The following OSBPL11 variants were observed in gnomAD, a reference collection of about 807,000 sequenced individuals.
OSBPL11 encodes oxysterol-binding protein-related protein 11.
OSBPL11 carries 33 observed loss-of-function variants against 84.4 expected under a neutral mutation model. That is an observed-to-expected ratio of 0.39 (90% CI 0.30 to 0.52). OSBPL11 has a LOEUF of 0.52. Among genes scored for constraint, OSBPL11 ranks in the 20% least tolerant of loss-of-function variants. The pLI, the probability that OSBPL11 is intolerant of heterozygous loss-of-function variation, is 0.72. For missense variants in OSBPL11, 736 were observed against 901.1 expected, an observed-to-expected ratio of 0.82 and a Z score of 2.35; for synonymous variants, 276 against 310.2, an observed-to-expected ratio of 0.89 and a Z score of 1.16.
In OSBPL11 at chr3:125,576,274, G is replaced by T. The variant is rs778417225; in HGVS notation, c.581C>A (p.Ser194Tyr). The T allele has an allele frequency of 1.3e-5, 21 of 1,610,554 alleles. No homozygotes were observed. The East Asian group carries it at 4.7e-4, about 36-fold the overall frequency. Residue 194 changes from serine to tyrosine, a missense_variant, in exon 5 of 13, where the codon TCT (serine) becomes TAT (tyrosine). By Grantham distance (144) the Ser-to-Tyr change is moderately radical. Around this residue, in one of 3 missense-constraint regions of OSBPL11, gnomAD observed 579 missense variants for 717.6 expected, o/e 0.81. Coordinates refer to ENST00000296220, the MANE Select transcript of OSBPL11 (RefSeq NM_022776.5). ...TTTGGAATGTCCAACATTAAAAAAA[G>T]AAATGGCATTTTGACTTGGTCTCCT... ...SQRRPSQNAISFFNVGHSKLQ... is the reference protein window; with the variant it reads ...SQRRPSQNAIYFFNVGHSKLQ...
At chr3:125,553,912 AG>A (rs1277815830) in intron 8 of OSBPL11, among the ~76,000 whole-genome samples, 1 of 152,238 alleles carries the variant, frequency 6.6e-6, no homozygotes, top group African/African-American at 2.4e-5. Context: ...CAGAGATACC[AG>A]GAAAGTAGAC....
At chr3:125,571,493 A>G (rs375809684) in intron 5 of OSBPL11, among the ~76,000 whole-genome samples, 115 of 152,212 alleles carry the variant, frequency 7.6e-4, no homozygotes, top group African/African-American at 2.7e-3. Context: ...TTCATGGCAG[A>G]CCCTCTCATC....
intron 6 of OSBPL11, 45 bp downstream of exon 6, chr3:125,567,349 G>C: frequency 6.9e-7 from 1 of 1,459,588 alleles, no homozygotes. Context: ...TCCTTTCCAT[G>C]TGTTGGCCTT....
At chr3:125,594,545 CTT>C (rs1936649557) in intron 1 of OSBPL11, 90 bp downstream of exon 1, 4 of 1,470,060 alleles carry the variant, frequency 2.7e-6, no homozygotes, top group African/African-American at 1.4e-5. Context: ...AGTGAAAAAA[CTT>C]TTATCTTTCA....
intron 5 of OSBPL11, among the ~76,000 whole-genome samples, chr3:125,571,533 G>A (rs902969562): frequency 2.0e-5 from 3 of 152,146 alleles, no homozygotes; most frequent in African/African-American, 7.2e-5. Context: ...AGAAAAAAGT[G>A]GTTTCATGGG....
intron 6 of OSBPL11, 55 bp from the exon 7 acceptor site, chr3:125,563,898 G>T: frequency 6.3e-7 from 1 of 1,592,530 alleles, no homozygotes. Flanking sequence ...TAGAAAGTTC[G>T]GCAGATGTGG....
At chr3:125,547,187 T>C (rs966460246) in intron 10 of OSBPL11, among the ~76,000 whole-genome samples, 33 of 152,200 alleles carry the variant, frequency 2.2e-4, no homozygotes, top group African/African-American at 8.0e-4. Context: ...CACTAGTTAC[T>C]TCATCAGGAA....
chr3:125,592,998 T>A (rs1035640134), intron 1 of OSBPL11, among the ~76,000 whole-genome samples: 5 of 152,148 alleles, frequency 3.3e-5, no homozygotes, highest in African/African-American at 1.2e-4. Context: ...AAGAAAAAAC[T>A]CATTAGACTT....
chr3:125,563,909 A>C, intron 6 of OSBPL11, 66 bp from the exon 7 acceptor site: 1 of 1,574,500 alleles, frequency 6.4e-7, no homozygotes, highest in Non-Finnish European at 8.6e-7. Context: ...GCAGATGTGG[A>C]TTTTAACAAT....
chr3:125,552,872 CTTTGGGAGGCCAA>C (rs1284925329), intron 8 of OSBPL11, among the ~76,000 whole-genome samples, 193 bp from the exon 9 acceptor site: 1 of 152,220 alleles, frequency 6.6e-6, no homozygotes, highest in Non-Finnish European at 1.5e-5. Context: ...AATCACAGCA[CTTTGGGAGGCCAA>C]GTTGGGAGGA....
At chr3:125,546,298 T>C (rs1263047518) in intron 10 of OSBPL11, among the ~76,000 whole-genome samples, 4 of 151,102 alleles carry the variant, frequency 2.6e-5, no homozygotes, top group Non-Finnish European at 5.9e-5. Flanking sequence ...CTCAGCCTCC[T>C]GTGGCATTAC....
intron 9 of OSBPL11, 123 bp from the exon 10 acceptor site, chr3:125,547,715 C>T: frequency 1.4e-6 from 1 of 716,024 alleles, no homozygotes; most frequent in Non-Finnish European, 2.2e-6. Context: ...CTTCATTTAA[C>T]TTTCAATGAA....
intron 9 of OSBPL11, among the ~76,000 whole-genome samples, chr3:125,550,906 C>A (rs995441261): frequency 6.6e-6 from 1 of 152,122 alleles, no homozygotes; most frequent in Admixed American, 6.5e-5. Flanking sequence ...GCTGAGATTA[C>A]AGGCTAATGC....
chr3:125,570,547 C>T (rs1936228910), intron 5 of OSBPL11, among the ~76,000 whole-genome samples: 2 of 152,028 alleles, frequency 1.3e-5, no homozygotes, highest in African/African-American at 4.8e-5. Context: ...GTGTCCCCAC[C>T]CAAATCTCAT....
intron 10 of OSBPL11, among the ~76,000 whole-genome samples, chr3:125,543,124 ATTTTTTTTTTT>A (rs60571172): frequency 2.0e-5 from 2 of 99,288 alleles, no homozygotes; most frequent in Non-Finnish European, 3.8e-5. Flanking sequence ...GGCTAGTAAG[ATTTTTTTTTTT>A]TTTTTTTTTT....
rs1035127675 is a variant in OSBPL11 at position 125,529,865 on chromosome 3, T to A, written c.*650A>T. ...AAGAAAAAATTCTCCATGGTTATAA[T>A]TCTGATCAATCTATAAATGTACTTT... is the stretch of plus-strand genomic sequence containing the variant. On this transcript the variant is annotated 3_prime_UTR_variant, in exon 13 of 13. Transcript: ENST00000296220. 3.3e-5 allele frequency: 5 copies of A among 152,668 alleles called. No individual in the cohort carries two copies. The East Asian group carries it at 9.6e-4, about 29-fold the overall frequency. 9.5% of individuals were successfully genotyped at this position (152,668 alleles called of 1,614,324 possible). A position where few individuals can be genotyped will look rare whatever the true frequency, so the allele number is the denominator to read the frequency against.
chr3:125,562,522 T>G (rs963586994), intron 7 of OSBPL11, among the ~76,000 whole-genome samples: 2 of 152,228 alleles, frequency 1.3e-5, no homozygotes, highest in African/African-American at 4.8e-5. Context: ...CTGTGCCATA[T>G]ATTTCTTTAA....
chr3:125,545,352 A>G (rs1336502261), intron 10 of OSBPL11, among the ~76,000 whole-genome samples: 1 of 152,264 alleles, frequency 6.6e-6, no homozygotes, highest in East Asian at 1.9e-4. Context: ...CAGATGAATC[A>G]GAACTAAAAA....
chr3:125,566,531 C>T (rs565752516), intron 6 of OSBPL11, among the ~76,000 whole-genome samples: 1 of 152,248 alleles, frequency 6.6e-6, no homozygotes, highest in East Asian at 1.9e-4. Context: ...GTCTCCTGAG[C>T]AGAGACTCTA....
Sources: gnomAD v4.1 joint callset for allele counts (sites outside exome capture counted in the v4.1 genomes callset) on GRCh38, gnomAD v4.1.1 for gene constraint, gnomAD v4.1.1 regional missense constraint, MANE v1.5 for transcripts, NCBI Gene and HGNC (gene_info 2026-07-23, HGNC 2026-07-21) for gene names.